VPS50: variants seen among roughly 807,000 people sequenced by gnomAD.
VPS50 encodes syndetin.
Under a neutral mutation model 139.7 loss-of-function variants are expected in VPS50, and 70 were observed. The observed-to-expected ratio is 0.50, with a 90% CI of 0.41 to 0.61. VPS50 has a LOEUF of 0.61. VPS50 is among the 20% of genes least tolerant of loss of function. VPS50 has a pLI of 0.00. For synonymous variants in VPS50, 365 were observed against 376.7 expected (o/e 0.97, Z 0.36); for missense variants, 921 against 1,133.7 (o/e 0.81, Z 2.69).
intron 1 of VPS50, among the ~76,000 whole-genome samples, chr7:93,238,986 T>TA (rs1215739599): frequency 1.3e-5 from 2 of 152,058 alleles, no homozygotes; most frequent in Admixed American, 1.3e-4. Context: ...GAAGAGAAAA[T>TA]ACACATCTCT....
chr7:93,355,903 C>A lies in VPS50; in HGVS notation c.2598C>A (p.Val866=). ...TTTTGCATCTTAGATATGCCAATGT[C>A]AAGAAATGCAGTAATGAGGGTCGTG... is the stretch of plus-strand genomic sequence containing the variant. ...NRTIVEGYAN[V]KKCSNEGRAL... is the part of the protein sequence containing the mutation. The change falls in exon 27 of 28, where the codon GTC becomes GTA. Residue 866 remains valine, a synonymous_variant. Transcript: ENST00000305866. 6.4e-7 allele frequency: 1 copy of A among 1,566,840 alleles called. No homozygotes were observed. The highest frequency in any genetic ancestry group is 1.2e-5 in the South Asian group (1 of 83,448).
Position 93,356,022 on chromosome 7 carries a change from A to C in VPS50, c.2717A>C (p.Tyr906Ser). 1 of 1,574,746 alleles carries C rather than the reference A, an allele frequency of 6.4e-7. No homozygotes were observed. The highest frequency in any genetic ancestry group is 8.7e-7 in the Non-Finnish European group (1 of 1,150,592). ...PIPDKEFVET[Y>S]IKAYYLTEND... The stretch of plus-strand genomic sequence containing the variant: ...CCTGATAAAGAATTTGTAGAAACTT[A>C]TATTAAAGCTTATTACCTAACTGAG... The change falls in exon 27 of 28, where the codon TAT (tyrosine) becomes TCT (serine). Residue 906 changes from tyrosine to serine, a missense_variant. Physicochemically the swap from Tyr to Ser is moderately radical, Grantham distance 144 (BLOSUM62 -2). Coordinates refer to ENST00000305866, the MANE Select transcript of VPS50 (RefSeq NM_017667.4).
At chr7:93,280,681 G>A (rs766132903) in intron 12 of VPS50, among the ~76,000 whole-genome samples, 1 of 151,882 alleles carries the variant, frequency 6.6e-6, no homozygotes, top group Non-Finnish European at 1.5e-5. Context: ...ACTTTGGCAG[G>A]CTGATGGGTT....
At chr7:93,240,903 A>C (rs1794968677) in intron 2 of VPS50, among the ~76,000 whole-genome samples, 1 of 152,144 alleles carries the variant, frequency 6.6e-6, no homozygotes, top group Non-Finnish European at 1.5e-5. Context: ...CAAATGCAAT[A>C]AAATTATAAC....
chr7:93,358,692 CT>C lies in VPS50; in HGVS notation c.*257del, dbSNP rs1241810985. On this transcript the variant is annotated 3_prime_UTR_variant, in exon 28 of 28. Transcript: ENST00000305866. ...CCTTGTCATAACAATGGTTATGTGA[CT>C]ACAGTTATACATTTTACAGAAGAAT... is the stretch of plus-strand genomic sequence containing the variant. 3.1e-6 allele frequency: 1 copy of C among 322,056 alleles called. No individual in the cohort carries two copies. Among genetic ancestry groups the C allele is most frequent in the Admixed American group, 4.2e-5 (1 of 23,928 alleles). The allele number at this position is 322,056 out of a possible 1,614,324, so 19.9% of individuals were successfully genotyped here.
intron 5 of VPS50, among the ~76,000 whole-genome samples, chr7:93,256,921 C>A (rs1795501569): frequency 6.6e-6 from 1 of 152,046 alleles, no homozygotes; most frequent in East Asian, 1.9e-4. Context: ...AAAATTGGTA[C>A]TGTCTAACTG....
chr7:93,260,202 T>C (rs1795624140), intron 9 of VPS50, among the ~76,000 whole-genome samples: 1 of 152,226 alleles, frequency 6.6e-6, no homozygotes, highest in Non-Finnish European at 1.5e-5. Context: ...TGCTATTATC[T>C]CTAACTTTAT....
intron 5 of VPS50, 78 bp from the exon 6 acceptor site, chr7:93,257,315 GT>G: frequency 2.5e-6 from 2 of 810,902 alleles, no homozygotes; most frequent in South Asian, 1.6e-5. Flanking sequence ...TCTGACTAGA[GT>G]TTTTGTTAGA....
intron 10 of VPS50, 112 bp downstream of exon 10, chr7:93,271,374 C>T: frequency 7.6e-7 from 1 of 1,322,230 alleles, no homozygotes; most frequent in Non-Finnish European, 9.7e-7. Context: ...GTCTCTAGAT[C>T]ACTGTATTTC....
rs1795523743 is a variant in VPS50 at position 93,257,513 on chromosome 7, G to A, written c.422+49G>A. ...TTCTTTAAGCTGAACAATATTTCAA[G>A]AATAACTATGGAATCTATAATTTAT... On this transcript the variant is annotated intron_variant, in intron 6 of 27. Coordinates refer to ENST00000305866, the MANE Select transcript of VPS50 (RefSeq NM_017667.4). The A allele has an allele frequency of 4.1e-6, 4 of 980,430 alleles. No homozygotes were observed. In the South Asian group the frequency reaches 5.7e-5, roughly 14 times the overall value. The allele number at this position is 980,430 out of a possible 1,614,324, so 60.7% of individuals were successfully genotyped here. A position where few individuals can be genotyped will look rare whatever the true frequency, so the allele number is the denominator to read the frequency against.
intron 22 of VPS50, among the ~76,000 whole-genome samples, chr7:93,335,397 T>A (rs1234286923): frequency 6.6e-6 from 1 of 152,186 alleles, no homozygotes; most frequent in African/African-American, 2.4e-5. Flanking sequence ...GTCATATCAC[T>A]TACCTTGGCA....
intron 18 of VPS50, among the ~76,000 whole-genome samples, chr7:93,308,419 C>T (rs1320561896): frequency 6.6e-6 from 1 of 151,756 alleles, no homozygotes; most frequent in Non-Finnish European, 1.5e-5. Context: ...TGAAGTAATA[C>T]TTCCAGAATG....
At chr7:93,261,851 C>T (rs1230891267) in intron 9 of VPS50, among the ~76,000 whole-genome samples, 1 of 152,118 alleles carries the variant, frequency 6.6e-6, no homozygotes, top group Non-Finnish European at 1.5e-5. Flanking sequence ...AGGAAACTGT[C>T]TACACCAGAA....
rs914479930 is a variant in VPS50 at position 93,253,948 on chromosome 7, C to A, written c.297+17C>A. On this transcript the variant is annotated intron_variant, in intron 4 of 27. Transcript: ENST00000305866. ...CAAGCTGCAGTAAGTAAAAAAAAAA[C>A]ACATTTCTTTCTGGCAAAACTCTAG... 22 of 1,414,256 alleles carry A rather than the reference C, an allele frequency of 1.6e-5. No individual in the cohort carries two copies. The highest frequency in any genetic ancestry group is 1.8e-5 in the Non-Finnish European group (18 of 1,015,678). 87.6% of individuals were successfully genotyped at this position (1,414,256 alleles called of 1,614,324 possible). A position where few individuals can be genotyped will look rare whatever the true frequency, so the allele number is the denominator to read the frequency against.
chr7:93,234,587 A>G (rs1794742667), intron 1 of VPS50, among the ~76,000 whole-genome samples: 1 of 152,196 alleles, frequency 6.6e-6, no homozygotes, highest in African/African-American at 2.4e-5. Flanking sequence ...TGTGCCTGCT[A>G]TTTACATTGA....
At chr7:93,273,884 C>T (rs1206235452) in intron 11 of VPS50, among the ~76,000 whole-genome samples, 1 of 152,104 alleles carries the variant, frequency 6.6e-6, no homozygotes, top group African/African-American at 2.4e-5. Flanking sequence ...GTCAGATTTT[C>T]ATGATTCTTG....
intron 12 of VPS50, among the ~76,000 whole-genome samples, chr7:93,284,642 T>G (rs73415380): frequency 1.3e-5 from 2 of 152,206 alleles, no homozygotes; most frequent in Non-Finnish European, 2.9e-5. Flanking sequence ...ATGAATCCAG[T>G]GAGTTGCAAG....
intron 27 of VPS50, 128 bp from the exon 28 acceptor site, chr7:93,358,189 C>CTGTT: frequency 1.2e-6 from 1 of 805,492 alleles, no homozygotes; most frequent in Non-Finnish European, 2.0e-6. Flanking sequence ...GTAATTTCCA[C>CTGTT]TGTTTTTCAC....
At chr7:93,267,909 A>G (rs1253720297) in intron 9 of VPS50, among the ~76,000 whole-genome samples, 1 of 152,196 alleles carries the variant, frequency 6.6e-6, no homozygotes, top group Non-Finnish European at 1.5e-5. Flanking sequence ...AAGGTCTTAC[A>G]TGCCATACTA....
Sources: gnomAD v4.1 joint callset for allele counts (sites outside exome capture counted in the v4.1 genomes callset) on GRCh38, gnomAD v4.1.1 for gene constraint, MANE v1.5 for transcripts, NCBI Gene and HGNC (gene_info 2026-07-23, HGNC 2026-07-21) for gene names.